The following REV3L variants were observed in gnomAD, a reference collection of about 807,000 sequenced individuals.
The protein encoded by REV3L is REV3 like, DNA directed polymerase zeta catalytic subunit, also known as DNA polymerase zeta catalytic subunit.
A neutral mutation model predicts 299.4 loss-of-function variants in REV3L; 69 were observed. The observed-to-expected ratio is 0.23, with a 90% CI of 0.19 to 0.28. The LOEUF (loss-of-function observed/expected upper bound fraction) is 0.28, where lower values mean the gene tolerates loss of function less well. Among genes scored for constraint, REV3L ranks in the 10% least tolerant of loss-of-function variants. The pLI is 1.00. For missense variants in REV3L, 3,128 were observed against 3,693.8 expected (o/e 0.85, Z 3.97); for synonymous variants, 1,238 against 1,271.4 (o/e 0.97, Z 0.56).
intron 25 of REV3L, among the ~76,000 whole-genome samples, chr6:111,324,738 G>T (rs998314954): frequency 3.9e-5 from 6 of 152,152 alleles, no homozygotes; most frequent in Non-Finnish European, 7.3e-5. Flanking sequence ...TAAATTAACA[G>T]ATTCTGCTAC....
In REV3L at chr6:111,367,951, A is replaced by C; in HGVS notation, c.5837T>G (p.Leu1946Trp). Residue 1946 changes from leucine (L) to tryptophan (W), a missense_variant, in exon 14 of 32, where the codon TTG becomes TGG. Around this residue, in one of 9 missense-constraint regions of REV3L, gnomAD observed 2,409 missense variants for 2,611.8 expected, o/e 0.92. Transcript: ENST00000368802. ...DLAEFEGDFSLEGLRLWKTAF... is the reference protein window; with the variant it reads ...DLAEFEGDFSWEGLRLWKTAF... Reference sequence around the variant, plus strand: ...TGTTTTCCAAAGACGAAGTCCTTCCAAGGAAAAGTCTCCCTCAAACTCAGC... The same window carrying C: ...TGTTTTCCAAAGACGAAGTCCTTCCCAGGAAAAGTCTCCCTCAAACTCAGC... 6.2e-7 allele frequency: 1 copy of C among 1,614,096 alleles called. No homozygotes were observed. The highest frequency in any genetic ancestry group is 8.5e-7 in the Non-Finnish European group (1 of 1,180,000).
intron 1 of REV3L, among the ~76,000 whole-genome samples, chr6:111,476,615 TTTAAG>T (rs555948783): frequency 1.2e-3 from 182 of 152,314 alleles, no homozygotes; most frequent in African/African-American, 4.1e-3. Context: ...CTCATATATA[TTTAAG>T]TTAATTCTAG....
chr6:111,345,147 G>C (rs1005505561), intron 20 of REV3L, among the ~76,000 whole-genome samples: 1 of 152,156 alleles, frequency 6.6e-6, no homozygotes, highest in Non-Finnish European at 1.5e-5. Flanking sequence ...ATTGAAAGCA[G>C]TAAATAGCAG....
intron 30 of REV3L, chr6:111,308,381 A>G: frequency 2.8e-6 from 1 of 354,506 alleles, no homozygotes; most frequent in South Asian, 1.9e-5. Context: ...CAGAACACTT[A>G]GTAACATATA....
At chr6:111,396,149 C>T (rs564795713) in intron 4 of REV3L, among the ~76,000 whole-genome samples, 1 of 152,124 alleles carries the variant, frequency 6.6e-6, no homozygotes, top group African/African-American at 2.4e-5. Context: ...ACCTAAGTCT[C>T]CCAAGTAGGT....
At chr6:111,422,409 T>C (rs1160761580) in intron 1 of REV3L, among the ~76,000 whole-genome samples, 1 of 151,714 alleles carries the variant, frequency 6.6e-6, no homozygotes, top group Non-Finnish European at 1.5e-5. Context: ...AGAAAAAGTT[T>C]GCTAACCTCA....
intron 1 of REV3L, among the ~76,000 whole-genome samples, chr6:111,430,048 G>C (rs1392238447): frequency 6.6e-6 from 1 of 152,086 alleles, no homozygotes; most frequent in African/African-American, 2.4e-5. Context: ...CAGGTTCCAG[G>C]GGAAGAAAAG....
intron 1 of REV3L, among the ~76,000 whole-genome samples, chr6:111,482,134 C>A (rs1793772050): frequency 1.3e-5 from 2 of 152,208 alleles, no homozygotes; most frequent in African/African-American, 4.8e-5. Context: ...GCACTAAACT[C>A]TAAGGAGTCA....
chr6:111,321,898 T>G (rs1259595586), intron 26 of REV3L, among the ~76,000 whole-genome samples: 2 of 152,136 alleles, frequency 1.3e-5, no homozygotes, highest in Non-Finnish European at 2.9e-5. Flanking sequence ...TAGAAGAATT[T>G]CAATAAGCCA....
At chr6:111,475,907 A>C (rs1182436999) in intron 1 of REV3L, among the ~76,000 whole-genome samples, 1 of 152,136 alleles carries the variant, frequency 6.6e-6, no homozygotes, top group East Asian at 1.9e-4. Context: ...TCTGGAAGCC[A>C]ACATTATTTT....
chr6:111,320,020 C>T (rs1356014000), intron 26 of REV3L, among the ~76,000 whole-genome samples: 1 of 151,482 alleles, frequency 6.6e-6, no homozygotes. Flanking sequence ...TAGTGATCCA[C>T]CTGCCTCGGC....
At chr6:111,465,427 A>G (rs1791333658) in intron 1 of REV3L, among the ~76,000 whole-genome samples, 1 of 151,660 alleles carries the variant, frequency 6.6e-6, no homozygotes, top group Admixed American at 6.6e-5. Context: ...AACAAAATCA[A>G]ACCTCAATTA....
At chr6:111,400,910 A>G (rs189845162) in intron 4 of REV3L, among the ~76,000 whole-genome samples, 58 of 152,300 alleles carry the variant, frequency 3.8e-4, no homozygotes, top group African/African-American at 1.3e-3. Flanking sequence ...ATAAGGTGTG[A>G]AGAACATACA....
intron 1 of REV3L, among the ~76,000 whole-genome samples, chr6:111,418,393 T>C (rs1416405385): frequency 6.6e-6 from 1 of 152,202 alleles, no homozygotes; most frequent in East Asian, 1.9e-4. Context: ...TCACAAAGTG[T>C]CTTAAAAATA....
chr6:111,480,650 C>CT (rs1381661568), intron 1 of REV3L, among the ~76,000 whole-genome samples: 2 of 152,046 alleles, frequency 1.3e-5, no homozygotes, highest in African/African-American at 2.4e-5. Context: ...AAACTGTGAA[C>CT]TACATGGCAA....
At chr6:111,339,069 A>C (rs572172418) in intron 21 of REV3L, among the ~76,000 whole-genome samples, 10 of 152,230 alleles carry the variant, frequency 6.6e-5, no homozygotes, top group African/African-American at 2.2e-4. Flanking sequence ...TGTTAGGCAA[A>C]AGCAAAAACT....
intron 26 of REV3L, among the ~76,000 whole-genome samples, chr6:111,319,034 A>G (rs777836293): frequency 6.0e-4 from 91 of 152,310 alleles, no homozygotes; most frequent in Non-Finnish European, 1.0e-3. Context: ...AAAGTGTTCT[A>G]TATCTTGACG....
intron 1 of REV3L, among the ~76,000 whole-genome samples, chr6:111,471,381 G>A (rs1792186250): frequency 6.6e-6 from 1 of 152,028 alleles, no homozygotes; most frequent in South Asian, 2.1e-4. Flanking sequence ...CTGTAGATAT[G>A]TCACTAACGA....
intron 1 of REV3L, among the ~76,000 whole-genome samples, chr6:111,462,147 C>T (rs1221137496): frequency 1.3e-5 from 2 of 152,096 alleles, no homozygotes; most frequent in Non-Finnish European, 2.9e-5. Context: ...AGGTAGCTGC[C>T]TTTGAACCTA....
Sources: gnomAD v4.1 joint callset for allele counts (sites outside exome capture counted in the v4.1 genomes callset) on GRCh38, gnomAD v4.1.1 for gene constraint, gnomAD v4.1.1 regional missense constraint, MANE v1.5 for transcripts, NCBI Gene and HGNC (gene_info 2026-07-23, HGNC 2026-07-21) for gene names.